Variants in RIMS1 observed in about 807,000 individuals in gnomAD.
The protein encoded by RIMS1 is regulating synaptic membrane exocytosis protein 1.
Under a neutral mutation model 214.1 loss-of-function variants are expected in RIMS1, and 83 were observed. The ratio of observed to expected loss-of-function variants is 0.39; its 90% confidence interval spans 0.32 to 0.47. The LOEUF is 0.47. Among genes scored for constraint, RIMS1 ranks in the 20% least tolerant of loss-of-function variants. RIMS1 has a pLI of 0.99. For synonymous variants in RIMS1, 793 were observed against 786.8 expected, an observed-to-expected ratio of 1.01 and a Z score of -0.13; for missense variants, 2,050 against 2,161.8, an observed-to-expected ratio of 0.95 and a Z score of 1.03.
chr6:72,276,218 C>T (rs766577935), intron 23 of RIMS1, among the ~76,000 whole-genome samples: 4 of 152,062 alleles, frequency 2.6e-5, no homozygotes, highest in Admixed American at 6.5e-5. Context: ...CTGCCCCCTC[C>T]GATCCCCAAG....
chr6:72,240,394 A>C (rs2066219873), intron 9 of RIMS1, among the ~76,000 whole-genome samples: 2 of 151,934 alleles, frequency 1.3e-5, no homozygotes, highest in Non-Finnish European at 2.9e-5. Context: ...ACTTTAAAAA[A>C]TTGAAGTAGA....
In RIMS1 at chr6:72,005,028, AT is replaced by A. The variant is rs562209975; in HGVS notation, c.245+35966del. Among the ~76,000 whole-genome samples the A allele has an allele frequency of 3.1e-3, 466 of 151,670 alleles. 1 individual carries two copies. The highest frequency in any genetic ancestry group is 5.6e-3 in the Non-Finnish European group (378 of 67,632). On this transcript the variant is annotated intron_variant, in intron 2 of 33. Transcript: ENST00000521978. ...GGTCTAACATTTAAGTCTTTAATCC[AT>A]CTTGAATTAATTTTTGTATAAGGTG...
At chr6:71,940,909 T>C (rs1271996715) in intron 1 of RIMS1, among the ~76,000 whole-genome samples, 1 of 152,138 alleles carries the variant, frequency 6.6e-6, no homozygotes, top group African/African-American at 2.4e-5. Context: ...GATTTATGTC[T>C]CAAAAGGGCT....
intron 1 of RIMS1, among the ~76,000 whole-genome samples, chr6:71,891,894 A>G (rs766313801): frequency 1.1e-4 from 16 of 152,332 alleles, no homozygotes; most frequent in Non-Finnish European, 2.2e-4. Flanking sequence ...AAAGATATCA[A>G]ATATGAATTC....
chr6:72,243,262 T>A (rs2067786100), intron 10 of RIMS1, among the ~76,000 whole-genome samples: 1 of 151,698 alleles, frequency 6.6e-6, no homozygotes, highest in Admixed American at 6.6e-5. Flanking sequence ...AACCTTTAAT[T>A]TGTATCGGCC....
intron 2 of RIMS1, among the ~76,000 whole-genome samples, chr6:72,052,365 A>G (rs1824944140): frequency 6.6e-6 from 1 of 152,204 alleles, no homozygotes; most frequent in Admixed American, 6.5e-5. Flanking sequence ...AGGAGGAATG[A>G]TGTAGAAGGA....
intron 4 of RIMS1, among the ~76,000 whole-genome samples, chr6:72,163,732 G>T (rs1324507102): frequency 2.2e-5 from 3 of 139,422 alleles, no homozygotes; most frequent in Non-Finnish European, 4.9e-5. Flanking sequence ...CTGCCTGATT[G>T]TTCCTCTGGA....
intron 1 of RIMS1, among the ~76,000 whole-genome samples, chr6:71,912,465 T>C (rs1006809862): frequency 3.3e-5 from 5 of 152,162 alleles, no homozygotes; most frequent in African/African-American, 1.2e-4. Context: ...ATTGCTGTTA[T>C]TATAACTGCT....
chr6:72,384,730 A>T (rs933458522), intron 29 of RIMS1, among the ~76,000 whole-genome samples: 1 of 152,142 alleles, frequency 6.6e-6, no homozygotes, highest in Non-Finnish European at 1.5e-5. Flanking sequence ...AATATATTCT[A>T]TCTCTCTATC....
intron 1 of RIMS1, among the ~76,000 whole-genome samples, chr6:71,959,064 A>G (rs934598636): frequency 2.6e-5 from 4 of 152,144 alleles, no homozygotes; most frequent in Non-Finnish European, 5.9e-5. Context: ...TAGGAAAAAG[A>G]GGCCTGTGAC....
At chr6:72,334,144 G>A (rs984127318) in intron 29 of RIMS1, among the ~76,000 whole-genome samples, 13 of 151,756 alleles carry the variant, frequency 8.6e-5, no homozygotes, top group South Asian at 2.1e-4. Flanking sequence ...TACATGCAAC[G>A]AAAGCAACAG....
At chr6:72,072,761 T>A (rs1830871840) in intron 2 of RIMS1, among the ~76,000 whole-genome samples, 1 of 152,162 alleles carries the variant, frequency 6.6e-6, no homozygotes, top group African/African-American at 2.4e-5. Context: ...CTATAGTAAC[T>A]TAACTCCTGG....
intron 7 of RIMS1, among the ~76,000 whole-genome samples, chr6:72,235,341 C>A (rs2063583731): frequency 6.6e-6 from 1 of 152,028 alleles, no homozygotes; most frequent in African/African-American, 2.4e-5. Context: ...AAATCTCTCC[C>A]TACCCTTTCC....
intron 2 of RIMS1, among the ~76,000 whole-genome samples, chr6:72,060,372 A>C (rs1367282521): frequency 6.6e-6 from 1 of 152,180 alleles, no homozygotes; most frequent in Non-Finnish European, 1.5e-5. Flanking sequence ...CCTCCAGATT[A>C]AACTTCCATC....
intron 6 of RIMS1, among the ~76,000 whole-genome samples, chr6:72,186,767 A>G (rs2049159122): frequency 8.8e-6 from 1 of 114,170 alleles, no homozygotes; most frequent in East Asian, 2.8e-4. Flanking sequence ...TCCGAACTGC[A>G]TGTATATATG....
At chr6:72,304,799 A>G (rs1206862860) in intron 26 of RIMS1, among the ~76,000 whole-genome samples, 4 of 151,972 alleles carry the variant, frequency 2.6e-5, no homozygotes, top group African/African-American at 4.8e-5. Context: ...TTATGTAATT[A>G]TTTGGCTTTT....
chr6:71,954,266 T>C (rs1280786814), intron 1 of RIMS1, among the ~76,000 whole-genome samples: 1 of 152,208 alleles, frequency 6.6e-6, no homozygotes, highest in Non-Finnish European at 1.5e-5. Context: ...TTCCCAGCAA[T>C]AAATCTTAGT....
At chr6:72,329,040 CA>C (rs1564112803) in intron 28 of RIMS1, among the ~76,000 whole-genome samples, 1 of 151,638 alleles carries the variant, frequency 6.6e-6, no homozygotes, top group Non-Finnish European at 1.5e-5. Flanking sequence ...CAAAACAAAA[CA>C]AAACAAAAAC....
At chr6:72,337,090 G>A (rs2096867243) in intron 29 of RIMS1, among the ~76,000 whole-genome samples, 1 of 151,732 alleles carries the variant, frequency 6.6e-6, no homozygotes, top group East Asian at 1.9e-4. Flanking sequence ...AATATAGATA[G>A]AAAGGGTATG....
Sources: gnomAD v4.1 joint callset for allele counts (sites outside exome capture counted in the v4.1 genomes callset) on GRCh38, gnomAD v4.1.1 for gene constraint, MANE v1.5 for transcripts, NCBI Gene and HGNC (gene_info 2026-07-23, HGNC 2026-07-21) for gene names.